Variants in DNAJC9 observed in about 807,000 individuals in gnomAD.
The protein encoded by DNAJC9 is dnaJ homolog subfamily C member 9.
In DNAJC9, 18 loss-of-function variants were observed where a neutral mutation model predicts 32.4. The observed-to-expected ratio is 0.56, with a 90% confidence interval of 0.38 to 0.82. The LOEUF is 0.82. Among genes scored for constraint, DNAJC9 ranks in the 40% least tolerant of loss-of-function variants. The pLI, the probability that DNAJC9 is intolerant of heterozygous loss-of-function variation, is 0.00. For synonymous variants in DNAJC9, 113 were observed against 122.1 expected, an observed-to-expected ratio of 0.93 and a Z score of 0.49; for missense variants, 310 against 321.8, an observed-to-expected ratio of 0.96 and a Z score of 0.28.
chr10:73,243,676 A>T, intron 4 of DNAJC9, 157 bp from the exon 5 acceptor site: 2 of 1,161,900 alleles, frequency 1.7e-6, no homozygotes, highest in Non-Finnish European at 2.4e-6. Flanking sequence ...AATAATTGTA[A>T]AACTTTGTAA....
At chr10:73,233,471 C>T (rs1025775859) in intron 2 of DNAJC9, among the ~76,000 whole-genome samples, 1 of 151,978 alleles carries the variant, frequency 6.6e-6, no homozygotes, top group Admixed American at 6.6e-5. Context: ...CTCAAGTAGC[C>T]GGGACCACAG....
At position 73,233,156 on chromosome 10, in the gene DNAJC9, G is replaced by A. The variant is rs147920257; in HGVS notation, n.147+10687C>T. The A allele has an allele frequency of 3.2e-6, 5 of 1,549,700 alleles. No homozygotes were observed. In the African/African-American group the frequency reaches 6.9e-5, roughly 21 times the overall value. On this transcript the variant is annotated intron_variant and non_coding_transcript_variant, in intron 2 of 2. Transcript: ENST00000469143. ...ATCTGTGGAAGAAATCCTCAGAGGA[G>A]CCCGAGTGTAGGTTTCAAAAGCAGA...
chr10:73,246,659 G>A, intron 2 of DNAJC9, 29 bp downstream of exon 2: 1 of 1,612,724 alleles, frequency 6.2e-7, no homozygotes, highest in Non-Finnish European at 8.5e-7. Context: ...GATGGTAACA[G>A]TCACAAAGAA....
rs186614711 is a variant in DNAJC9, at chr10:73,244,218, G to A, written c.577-289C>T. 2.0e-3 allele frequency: 692 copies of A among 354,436 alleles called. 10 individuals carry two copies. The highest frequency in any genetic ancestry group is 0.014 in the African/African-American group (642 of 45,878). 22.0% of individuals were successfully genotyped at this position (354,436 alleles called of 1,614,324 possible). On this transcript the variant is annotated intron_variant, in intron 3 of 4. Coordinates refer to ENST00000372950, the MANE Select transcript of DNAJC9 (RefSeq NM_015190.5). The stretch of plus-strand genomic sequence containing the variant: ...TGATGATAAAAAGGAACATGAGGCC[G>A]GGTATGGTGGCTCACAACTGTAATC...
At chr10:73,237,568 T>G (rs1297089024), downstream of DNAJC9, among the ~76,000 whole-genome samples, 1 of 151,942 alleles carries the variant, frequency 6.6e-6, no homozygotes, top group Non-Finnish European at 1.5e-5. Context: ...TACAGGCACC[T>G]GCCACCATGC....
At chr10:73,232,904 T>A in intron 2 of DNAJC9, 1 of 1,256,396 alleles carries the variant, frequency 8.0e-7, no homozygotes, top group South Asian at 1.3e-5. Context: ...CATACTGATC[T>A]TTACTTCATT....
intron 2 of DNAJC9, 148 bp downstream of exon 2, chr10:73,246,540 G>C (rs1190821009): frequency 1.6e-5 from 14 of 872,460 alleles, no homozygotes; most frequent in Admixed American, 2.5e-5. Flanking sequence ...GTTTCAGTAA[G>C]CGTGCGTGTA....
In DNAJC9 at chr10:73,243,428, T is replaced by G; in HGVS notation, c.755A>C (p.Lys252Thr). ...TTTCTTTTCTTTCTTGAGAGCAGATTTTTTCCCTCCTCCTTTGGAAGATTT... is the reference window on the plus strand; with the variant it reads ...TTTCTTTTCTTTCTTGAGAGCAGATGTTTTCCCTCCTCCTTTGGAAGATTT... ...YCKSSKGGGK[K>T]SALKKEKK The change falls in exon 5 of 5, where the codon AAA becomes ACA. Residue 252 changes from lysine (K) to threonine (T), a missense_variant. Coordinates refer to ENST00000372950, the MANE Select transcript of DNAJC9 (RefSeq NM_015190.5). The G allele has an allele frequency of 6.2e-7, 1 of 1,613,996 alleles. No homozygotes were observed. Among genetic ancestry groups the G allele is most frequent in the Non-Finnish European group, 8.5e-7 (1 of 1,179,928 alleles).
At chr10:73,240,759 T>C (rs928887020), downstream of DNAJC9, among the ~76,000 whole-genome samples, 2 of 151,622 alleles carry the variant, frequency 1.3e-5, no homozygotes, top group African/African-American at 4.8e-5. Flanking sequence ...AACACTGAAG[T>C]GGAAGTGAGT....
At chr10:73,246,548 G>GT in intron 2 of DNAJC9, 140 bp downstream of exon 2, 1 of 924,872 alleles carries the variant, frequency 1.1e-6, no homozygotes, top group South Asian at 1.6e-5. Flanking sequence ...AAGCGTGCGT[G>GT]TATCTGTATT....
Position 73,246,848 on chromosome 10 carries a change from G to C in DNAJC9, c.181-20C>G, listed in dbSNP as rs754969828. 4 of 1,613,332 alleles carry C rather than the reference G, an allele frequency of 2.5e-6. No homozygotes were observed. The highest frequency in any genetic ancestry group is 2.7e-5 in the African/African-American group (2 of 75,040). On this transcript the variant is annotated intron_variant, in intron 1 of 4. Coordinates refer to ENST00000372950, the MANE Select transcript of DNAJC9 (RefSeq NM_015190.5). ...CAGGATCTGAGGGCAAAGAGTATCC[G>C]TAAATCACCCCTGCTCCTCCCACCG...
At position 73,246,817 on chromosome 10, in the gene DNAJC9, T is replaced by C. The variant is rs946248577; in HGVS notation, c.192A>G (p.Lys64=). The change falls in exon 2 of 5, where the codon AAA becomes AAG. Residue 64 remains lysine, a synonymous_variant. Transcript: ENST00000372950. ...CTCTGTCACTGAGAACGGAATAGACTTTTCCCAGGATCTGAGGGCAAAGAG... is the reference window on the plus strand; with the variant it reads ...CTCTGTCACTGAGAACGGAATAGACCTTTCCCAGGATCTGAGGGCAAAGAG... ...DATRRFQILG[K]VYSVLSDREQ... 2 of 1,613,982 alleles carry C rather than the reference T, an allele frequency of 1.2e-6. No homozygotes were observed. Among genetic ancestry groups the C allele is most frequent in the African/African-American group, 2.7e-5 (2 of 74,926 alleles).
At chr10:73,240,582 G>T (rs1202324413), downstream of DNAJC9, among the ~76,000 whole-genome samples, 4 of 152,142 alleles carry the variant, frequency 2.6e-5, no homozygotes, top group African/African-American at 9.6e-5. Context: ...TGTGGTGGCA[G>T]ATGCCTGTAG....
chr10:73,235,109 A>G (rs2043793189), downstream of DNAJC9: 2 of 1,479,514 alleles, frequency 1.4e-6, no homozygotes, highest in Non-Finnish European at 1.8e-6. Context: ...CACTTACCAT[A>G]TCTGCCATGG....
intron 2 of DNAJC9, chr10:73,233,095 G>C (rs951645895): frequency 1.7e-5 from 26 of 1,551,526 alleles, no homozygotes; most frequent in Non-Finnish European, 2.3e-5. Flanking sequence ...CTCTTCATCC[G>C]ATCAGCACGA....
intron 2 of DNAJC9, 92 bp from the exon 3 acceptor site, chr10:73,246,268 C>T: frequency 7.3e-7 from 1 of 1,360,724 alleles, no homozygotes; most frequent in Non-Finnish European, 1.0e-6. Context: ...TGAATTGCTG[C>T]AATACAACAG....
chr10:73,235,198 C>T (rs188430728), downstream of DNAJC9: 716 of 1,551,632 alleles, frequency 4.6e-4, 3 homozygotes, highest in Middle Eastern at 1.0e-3. Flanking sequence ...TGCAGAAACC[C>T]CATGGCGACT....
intron 1 of DNAJC9, 35 bp downstream of exon 1, chr10:73,246,975 G>C: frequency 6.5e-7 from 1 of 1,547,004 alleles, no homozygotes. Context: ...GGAGGCCCGC[G>C]CAGCCGGTCG....
At chr10:73,232,585 A>G (rs1434998561) in intron 2 of DNAJC9, among the ~76,000 whole-genome samples, 1 of 152,264 alleles carries the variant, frequency 6.6e-6, no homozygotes, top group Non-Finnish European at 1.5e-5. Context: ...AGTAGGAATC[A>G]GCCCCTGTGG....
Sources: gnomAD v4.1 joint callset for allele counts (sites outside exome capture counted in the v4.1 genomes callset) on GRCh38, gnomAD v4.1.1 for gene constraint, MANE v1.5 for transcripts, NCBI Gene and HGNC (gene_info 2026-07-23, HGNC 2026-07-21) for gene names.